The following FGD4 variants were observed in gnomAD, a reference collection of about 807,000 sequenced individuals.
The protein encoded by FGD4 is FYVE, RhoGEF and PH domain-containing protein 4.
A neutral mutation model predicts 102.0 loss-of-function variants in FGD4; 42 were observed. The ratio of observed to expected loss-of-function variants is 0.41; its 90% CI spans 0.32 to 0.53. The LOEUF is 0.53. Among genes scored for constraint, FGD4 ranks in the 20% least tolerant of loss-of-function variants. The pLI is 0.21. For missense variants in FGD4, 902 were observed against 1,078.2 expected (o/e 0.84, Z 2.29); for synonymous variants, 380 against 375.7 (o/e 1.01, Z -0.13).
At chr12:32,453,206 A>ATATTTTATATATATATTT (rs1942840033) in intron 1 of FGD4, among the ~76,000 whole-genome samples, 1 of 50,600 alleles carries the variant, frequency 2.0e-5, no homozygotes, top group Non-Finnish European at 5.3e-5. Flanking sequence ...TATATTATAT[A>ATATTTTATATATATATTT]TATATATATA....
intron 1 of FGD4, chr12:32,477,451 A>G (rs1485500858): frequency 6.6e-6 from 1 of 152,402 alleles, no homozygotes; most frequent in South Asian, 2.1e-4. Flanking sequence ...ATTTTAGTAT[A>G]TGTGCTGCCA....
chr12:32,559,559 C>T (rs1944377579), intron 1 of FGD4, among the ~76,000 whole-genome samples: 1 of 152,128 alleles, frequency 6.6e-6, no homozygotes, highest in Non-Finnish European at 1.5e-5. Flanking sequence ...AAATGTTGAT[C>T]TAATTGCCTC....
chr12:32,442,311 C>T (rs112617203), intron 1 of FGD4, among the ~76,000 whole-genome samples: 1 of 152,134 alleles, frequency 6.6e-6, no homozygotes, highest in East Asian at 1.9e-4. Flanking sequence ...CCTCAGCCCC[C>T]CAAAGTGCTG....
intron 1 of FGD4, among the ~76,000 whole-genome samples, chr12:32,447,253 G>A (rs898403794): frequency 2.0e-5 from 3 of 152,128 alleles, no homozygotes; most frequent in African/African-American, 7.2e-5. Context: ...TCATTAGGCT[G>A]AAAATAAAAC....
intron 1 of FGD4, among the ~76,000 whole-genome samples, chr12:32,555,664 C>T (rs1211413616): frequency 6.6e-6 from 1 of 151,320 alleles, no homozygotes; most frequent in African/African-American, 2.4e-5. Flanking sequence ...CTCCGCCTCC[C>T]GGTTTCACGC....
At chr12:32,600,384 A>C (rs944905492) in intron 5 of FGD4, 1 of 1,136,054 alleles carries the variant, frequency 8.8e-7, no homozygotes, top group African/African-American at 1.6e-5. Context: ...TAAGGACATA[A>C]TTTTTTGTTC....
chr12:32,421,954 C>T lies in FGD4; in HGVS notation c.166+21995C>T, dbSNP rs186757847. ...AGGAGATCGAGACCATCCTGGCCAA[C>T]GCGGTGAAACCCTGTCTCTACTAAA... On this transcript the variant is annotated intron_variant, in intron 1 of 16. Transcript: ENST00000534526. 3.1e-3 allele frequency among the ~76,000 whole-genome samples: 466 copies of T among 151,914 alleles called. 2 individuals are homozygous for T. Among genetic ancestry groups the T allele is most frequent in the African/African-American group, 0.011 (440 of 41,460 alleles).
At chr12:32,500,738 A>G (rs1938157019) in intron 1 of FGD4, among the ~76,000 whole-genome samples, 1 of 152,178 alleles carries the variant, frequency 6.6e-6, no homozygotes, top group Non-Finnish European at 1.5e-5. Flanking sequence ...GGCCATGACC[A>G]TATTTTAATA....
At chr12:32,624,860 A>G in intron 12 of FGD4, 116 bp from the exon 13 acceptor site, 1 of 866,056 alleles carries the variant, frequency 1.2e-6, no homozygotes, top group Non-Finnish European at 2.0e-6. Context: ...AGTAATCAGA[A>G]CAGGTTCACT....
intron 1 of FGD4, among the ~76,000 whole-genome samples, chr12:32,562,356 T>C (rs1944681625): frequency 6.6e-6 from 1 of 152,238 alleles, no homozygotes; most frequent in African/African-American, 2.4e-5. Context: ...AGTGTTTCTA[T>C]GCTTAGTCTT....
At chr12:32,569,865 G>A (rs534122269) in intron 2 of FGD4, among the ~76,000 whole-genome samples, 7 of 149,226 alleles carry the variant, frequency 4.7e-5, no homozygotes, top group Admixed American at 1.3e-4. Flanking sequence ...AATTCTTAGT[G>A]GTTTTATAAA....
chr12:32,633,821 T>C, intron 15 of FGD4, 132 bp downstream of exon 15: 1 of 804,636 alleles, frequency 1.2e-6, no homozygotes, highest in Non-Finnish European at 1.9e-6. Flanking sequence ...GTTGCTGGAA[T>C]TACAGGCCCA....
In FGD4 at chr12:32,642,854, C is replaced by A. The variant is rs898356208; in HGVS notation, c.*2321C>A. ...TTACTCAATGAAAGGTAAAGTAATACCCTTAGCCATTTATTAAACAATTCA... is the reference window on the plus strand; with the variant it reads ...TTACTCAATGAAAGGTAAAGTAATAACCTTAGCCATTTATTAAACAATTCA... On this transcript the variant is annotated 3_prime_UTR_variant, in exon 17 of 17. Coordinates refer to ENST00000534526, the MANE Select transcript of FGD4 (RefSeq NM_001370298.3). 1.3e-5 allele frequency: 2 copies of A among 152,424 alleles called. No individual in the cohort carries two copies. Among genetic ancestry groups the A allele is most frequent in the Admixed American group, 1.3e-4 (2 of 15,252 alleles). 9.4% of individuals were successfully genotyped at this position (152,424 alleles called of 1,614,324 possible).
chr12:32,528,688 C>T (rs1197748798), intron 1 of FGD4, among the ~76,000 whole-genome samples: 5 of 152,160 alleles, frequency 3.3e-5, no homozygotes, highest in Non-Finnish European at 7.3e-5. Flanking sequence ...ATTGCACTGG[C>T]CCTTCTCTTA....
At chr12:32,467,123 A>C (rs180915257) in intron 1 of FGD4, among the ~76,000 whole-genome samples, 67 of 152,304 alleles carry the variant, frequency 4.4e-4, no homozygotes, top group South Asian at 1.5e-3. Flanking sequence ...AACAGTTACA[A>C]ATGCAAAGAA....
chr12:32,442,349 G>A (rs182483146), intron 1 of FGD4, among the ~76,000 whole-genome samples: 16 of 152,118 alleles, frequency 1.1e-4, no homozygotes, highest in African/African-American at 2.9e-4. Flanking sequence ...CACTGCGCCC[G>A]GCCAGGACTG....
At chr12:32,555,157 A>G (rs754500138) in intron 1 of FGD4, among the ~76,000 whole-genome samples, 6 of 152,224 alleles carry the variant, frequency 3.9e-5, no homozygotes, top group Non-Finnish European at 8.8e-5. Context: ...GCTAGATGGT[A>G]AAATCTGGAA....
In FGD4 at chr12:32,544,029, A is replaced by C. The variant is rs1469697329; in HGVS notation, c.167-20108A>C. On this transcript the variant is annotated intron_variant, in intron 1 of 16. Transcript: ENST00000534526. The surrounding 1 kb of genome is among the most constrained non-coding windows in gnomAD (Gnocchi z 4.1). ...ATGGATTCTAAAATCAGATAATCTT[A>C]CTATTACTTATCTGTGAAGAGGACT... 2.0e-5 allele frequency among the ~76,000 whole-genome samples: 3 copies of C among 152,218 alleles called. No homozygotes were observed. The highest frequency in any genetic ancestry group is 7.2e-5 in the African/African-American group (3 of 41,450).
intron 14 of FGD4, among the ~76,000 whole-genome samples, chr12:32,629,802 T>G (rs569835313): frequency 6.6e-6 from 1 of 152,344 alleles, no homozygotes; most frequent in South Asian, 2.1e-4. Context: ...TGTTTGCCAC[T>G]TTATGTTTTC....
Sources: gnomAD v4.1 joint callset for allele counts (sites outside exome capture counted in the v4.1 genomes callset) on GRCh38, gnomAD v4.1.1 for gene constraint, Gnocchi (gnomAD v3.1) non-coding constraint, MANE v1.5 for transcripts, NCBI Gene and HGNC (gene_info 2026-07-23, HGNC 2026-07-21) for gene names.